The following MYCT1 variants were observed in gnomAD, a reference collection of about 807,000 sequenced individuals.
MYCT1 encodes myc target protein 1.
MYCT1 carries 12 observed loss-of-function variants against 15.0 expected under a neutral mutation model. The observed-to-expected ratio is 0.80, with a 90% confidence interval of 0.51 to 1.29. The LOEUF (loss-of-function observed/expected upper bound fraction) is 1.29. Among genes scored for constraint, MYCT1 ranks in the 50% most tolerant of loss-of-function variants. The pLI is 0.00. For synonymous variants in MYCT1, 104 were observed against 102.7 expected (o/e 1.01, Z -0.07); for missense variants, 287 against 279.1 (o/e 1.03, Z -0.20).
At chr6:152,741,931 A>G in the MYCT1 span, among the ~76,000 whole-genome samples, 1 of 152,232 alleles carries the variant, frequency 6.6e-6, no homozygotes, top group Non-Finnish European at 1.5e-5. Context: ...TGAGAATAGG[A>G]AAGAAGTATT....
At chr6:152,707,971 T>A (rs964796599) in intron 1 of MYCT1, among the ~76,000 whole-genome samples, 48 of 152,142 alleles carry the variant, frequency 3.2e-4, no homozygotes, top group African/African-American at 1.1e-3. Context: ...CTTTGTATTG[T>A]CATCATATAC....
At chr6:152,740,129 C>T in the MYCT1 span, among the ~76,000 whole-genome samples, 3 of 152,146 alleles carry the variant, frequency 2.0e-5, no homozygotes, top group African/African-American at 7.2e-5. Flanking sequence ...TCACCACAAC[C>T]TCTGCCTCCC....
chr6:152,734,020 A>G, the MYCT1 span, among the ~76,000 whole-genome samples: 1 of 152,038 alleles, frequency 6.6e-6, no homozygotes, highest in Non-Finnish European at 1.5e-5. Context: ...CTACTGGCAC[A>G]AAGAGCCAGG....
At chr6:152,702,017 C>T (rs915045497) in intron 1 of MYCT1, among the ~76,000 whole-genome samples, 7 of 152,082 alleles carry the variant, frequency 4.6e-5, no homozygotes, top group Admixed American at 1.3e-4. Context: ...GTTCTCAGAG[C>T]GGCTTGCCAT....
chr6:152,699,064 G>A (rs970096821), intron 1 of MYCT1, among the ~76,000 whole-genome samples: 1 of 152,146 alleles, frequency 6.6e-6, no homozygotes, highest in Non-Finnish European at 1.5e-5. Flanking sequence ...TATATGGCCA[G>A]AACAAGTTTT....
intron 1 of MYCT1, among the ~76,000 whole-genome samples, chr6:152,703,914 C>T (rs1392681761): frequency 6.6e-6 from 1 of 150,934 alleles, no homozygotes; most frequent in Non-Finnish European, 1.5e-5. Flanking sequence ...TTTTTCTGCA[C>T]AATTTCTTGA....
At chr6:152,713,020 G>A (rs2800637) in intron 1 of MYCT1, among the ~76,000 whole-genome samples, 1 of 151,586 alleles carries the variant, frequency 6.6e-6, no homozygotes, top group African/African-American at 2.4e-5. Flanking sequence ...TCCTCTGTTT[G>A]GGGGATTATA....
chr6:152,706,419 A>C (rs1478657105), intron 1 of MYCT1, among the ~76,000 whole-genome samples: 2 of 152,174 alleles, frequency 1.3e-5, no homozygotes, highest in Non-Finnish European at 2.9e-5. Context: ...ACTGCTTTCA[A>C]CTTAAATCGC....
At chr6:152,714,048 G>A (rs1303188094) in intron 1 of MYCT1, among the ~76,000 whole-genome samples, 1 of 151,884 alleles carries the variant, frequency 6.6e-6, no homozygotes, top group African/African-American at 2.4e-5. Flanking sequence ...ACTTGAAAGG[G>A]TCAGTTCATA....
chr6:152,706,194 C>T, intron 1 of MYCT1: 1 of 860,698 alleles, frequency 1.2e-6, no homozygotes, highest in Non-Finnish European at 2.0e-6. Context: ...GAGTTCCTCA[C>T]CAATAACTTC....
chr6:152,743,417 G>C, the MYCT1 span, among the ~76,000 whole-genome samples: 2 of 152,188 alleles, frequency 1.3e-5, no homozygotes, highest in African/African-American at 4.8e-5. Flanking sequence ...CCACAGAAAG[G>C]AGTGTGGACC....
chr6:152,719,871 G>A (rs2099724379), intron 1 of MYCT1, among the ~76,000 whole-genome samples: 5 of 152,114 alleles, frequency 3.3e-5, no homozygotes, highest in Admixed American at 3.3e-4. Context: ...AAATCAGTGG[G>A]TCTAAACAAA....
intron 1 of MYCT1, among the ~76,000 whole-genome samples, chr6:152,718,631 T>C (rs2099724161): frequency 6.6e-6 from 1 of 152,196 alleles, no homozygotes; most frequent in African/African-American, 2.4e-5. Flanking sequence ...TAAAGTTTGC[T>C]ATTATTCCAC....
intron 1 of MYCT1, among the ~76,000 whole-genome samples, chr6:152,718,021 C>T (rs1282208134): frequency 1.3e-5 from 2 of 151,624 alleles, no homozygotes; most frequent in Non-Finnish European, 2.9e-5. Context: ...TCTATATAAC[C>T]CAATATTTGA....
downstream of MYCT1, among the ~76,000 whole-genome samples, chr6:152,725,694 C>A (rs145712156): frequency 1.7e-3 from 266 of 152,282 alleles, 2 homozygotes; most frequent in African/African-American, 6.1e-3. Context: ...TGGCATTGCC[C>A]TTTTGGAAGG....
At chr6:152,717,500 G>T (rs1204474306) in intron 1 of MYCT1, among the ~76,000 whole-genome samples, 1 of 152,072 alleles carries the variant, frequency 6.6e-6, no homozygotes, top group Non-Finnish European at 1.5e-5. Context: ...ATGGGGGCAG[G>T]AATTTCCTGT....
the MYCT1 span, among the ~76,000 whole-genome samples, chr6:152,745,068 G>A: frequency 1.2e-4 from 18 of 152,270 alleles, no homozygotes; most frequent in East Asian, 3.5e-3. Context: ...TCCAGGGTCA[G>A]GGCAGGCCTC....
chr6:152,708,272 A>T (rs890697873), intron 1 of MYCT1, among the ~76,000 whole-genome samples: 2 of 151,958 alleles, frequency 1.3e-5, no homozygotes, highest in Non-Finnish European at 2.9e-5. Context: ...TATACTTTCC[A>T]GTTGTTTGCT....
At chr6:152,730,309 C>T in the MYCT1 span, among the ~76,000 whole-genome samples, 6 of 152,264 alleles carry the variant, frequency 3.9e-5, no homozygotes, top group East Asian at 1.2e-3. Context: ...GTGCAAAATT[C>T]CAGAGATTAC....
Sources: gnomAD v4.1 joint callset for allele counts (sites outside exome capture counted in the v4.1 genomes callset) on GRCh38, gnomAD v4.1.1 for gene constraint, MANE v1.5 for transcripts, NCBI Gene and HGNC (gene_info 2026-07-23, HGNC 2026-07-21) for gene names.